The following RPRD2 variants were observed in gnomAD, a reference collection of about 807,000 sequenced individuals.
RPRD2 encodes the protein regulation of nuclear pre-mRNA domain-containing protein 2.
In RPRD2, 12 loss-of-function variants were observed where a neutral mutation model predicts 104.4. That is an observed-to-expected ratio of 0.11 (90% CI 0.07 to 0.19). RPRD2 has a LOEUF of 0.19. Among genes scored for constraint, RPRD2 ranks in the 10% least tolerant of loss-of-function variants. The pLI is 1.00. For missense variants in RPRD2, 1,543 were observed against 1,790.1 expected (o/e 0.86, Z 2.49); for synonymous variants, 714 against 684.9 (o/e 1.04, Z -0.66).
intron 1 of RPRD2, chr1:150,409,122 T>G (rs979590264): frequency 1.2e-4 from 18 of 152,246 alleles, no homozygotes; most frequent in African/African-American, 4.3e-4. Flanking sequence ...TTGTAGGTAC[T>G]TAGACTTAAA....
rs587760764 is a variant in RPRD2 at position 150,458,099 on chromosome 1, G to GC, written c.1153+530dup. Among the ~76,000 whole-genome samples, 161 of 152,116 alleles carry GC rather than the reference G, an allele frequency of 1.1e-3. 9 individuals are homozygous for GC. The South Asian group carries it at 0.033, about 31-fold the overall frequency. On this transcript the variant is annotated intron_variant, in intron 8 of 10. Transcript: ENST00000369068. ...GACGGTCGGGGGAAAGTAGCTACTAGCTACCTGTGGCTAAGCATTTGAAAT... is the reference window on the plus strand; with the variant it reads ...GACGGTCGGGGGAAAGTAGCTACTAGCCTACCTGTGGCTAAGCATTTGAAAT...
Position 150,444,238 on chromosome 1 carries a change from G to C in RPRD2, c.568-13G>C. The C allele has an allele frequency of 1.2e-6, 2 of 1,608,946 alleles. No homozygotes were observed. Among genetic ancestry groups the C allele is most frequent in the African/African-American group, 2.7e-5 (2 of 74,842 alleles). On this transcript the variant is annotated splice_polypyrimidine_tract_variant and intron_variant, in intron 5 of 10. Coordinates refer to ENST00000369068, the MANE Select transcript of RPRD2 (RefSeq NM_015203.5). ...GATCTTGTAAATGAAATATGACTCT[G>C]GTCTGTGTTTAGTCTCAGGCCCTAA...
In RPRD2 at chr1:150,471,689, G is replaced by T; in HGVS notation, c.2741G>T (p.Gly914Val). The T allele has an allele frequency of 6.2e-7, 1 of 1,613,784 alleles. No homozygotes were observed. Among genetic ancestry groups the T allele is most frequent in the Non-Finnish European group, 8.5e-7 (1 of 1,179,846 alleles). ...DRLSSSPGLFGAFSVRGNEPG... is the reference protein window; with the variant it reads ...DRLSSSPGLFVAFSVRGNEPG... ...CTCTCATCTTCCCCTGGGCTATTTG[G>T]TGCCTTCAGCGTAAGAGGGAATGAA... is the stretch of plus-strand genomic sequence containing the variant. The change falls in exon 11 of 11, where the codon GGT becomes GTT. Residue 914 changes from glycine (G) to valine (V), a missense_variant. By Grantham distance (109) the Gly-to-Val change is moderately radical. This residue lies in a region of RPRD2 where 880 missense variants were observed against 885.6 expected (regional missense o/e 0.99). Transcript: ENST00000369068. The surrounding 1 kb of genome is among the most constrained non-coding windows in gnomAD (Gnocchi z 5.3).
intron 7 of RPRD2, among the ~76,000 whole-genome samples, chr1:150,455,780 C>T (rs1667485431): frequency 6.6e-6 from 1 of 151,986 alleles, no homozygotes. Context: ...ACTATCTTTG[C>T]AATGATTTTC....
chr1:150,447,574 T>C (rs1553895797), intron 7 of RPRD2, among the ~76,000 whole-genome samples: 1 of 149,376 alleles, frequency 6.7e-6, no homozygotes, highest in Non-Finnish European at 1.5e-5. Context: ...CCTCAGGTGA[T>C]CCGCCCACCT....
chr1:150,379,848 A>G (rs1287619506), intron 1 of RPRD2, among the ~76,000 whole-genome samples: 3 of 152,220 alleles, frequency 2.0e-5, no homozygotes, highest in African/African-American at 7.2e-5. Flanking sequence ...GTTTAATTTC[A>G]TATAGTAAAT....
At chr1:150,443,878 C>T (rs1666576425) in intron 5 of RPRD2, among the ~76,000 whole-genome samples, 1 of 151,256 alleles carries the variant, frequency 6.6e-6, no homozygotes, top group Non-Finnish European at 1.5e-5. Context: ...ATTAGCTGGG[C>T]GTGGTGGCGG....
intron 1 of RPRD2, among the ~76,000 whole-genome samples, chr1:150,385,806 C>T (rs1553881712): frequency 2.0e-5 from 3 of 152,188 alleles, no homozygotes. Flanking sequence ...TCTTGGCCAA[C>T]TTGACTAAGA....
At chr1:150,400,975 G>A (rs1662948496) in intron 1 of RPRD2, among the ~76,000 whole-genome samples, 1 of 151,924 alleles carries the variant, frequency 6.6e-6, no homozygotes, top group Non-Finnish European at 1.5e-5. Flanking sequence ...AGGAGATCGA[G>A]ACCATCCTGG....
intron 1 of RPRD2, among the ~76,000 whole-genome samples, chr1:150,371,533 C>T (rs1553878340): frequency 6.6e-6 from 1 of 152,102 alleles, no homozygotes; most frequent in Non-Finnish European, 1.5e-5. Flanking sequence ...ACCAGGCTGG[C>T]TAATTTTTTG....
chr1:150,412,069 G>C (rs1663976474), intron 1 of RPRD2, among the ~76,000 whole-genome samples: 1 of 152,122 alleles, frequency 6.6e-6, no homozygotes, highest in African/African-American at 2.4e-5. Flanking sequence ...GTTGCAGTGA[G>C]CCGAAATCAC....
intron 1 of RPRD2, among the ~76,000 whole-genome samples, chr1:150,377,329 G>A (rs587627360): frequency 1.1e-4 from 16 of 150,710 alleles, no homozygotes; most frequent in Admixed American, 7.2e-4. Flanking sequence ...GGCCGGGCGC[G>A]GTGGCTCACG....
Position 150,384,450 on chromosome 1 carries a change from C to CATTATTATT in RPRD2, c.205+19566_205+19574dup, listed in dbSNP as rs60436957. On this transcript the variant is annotated intron_variant, in intron 1 of 10. Transcript: ENST00000369068. ...CAGAAGGAATAAAAGGCATCATCAT[C>CATTATTATT]ATTATTATTATTATTATTATTATTA... 3.0e-3 allele frequency among the ~76,000 whole-genome samples: 392 copies of CATTATTATT among 132,320 alleles called. 6 individuals are homozygous for CATTATTATT. The East Asian group carries it at 0.037, about 12-fold the overall frequency. The allele number at this position is 132,320 out of a possible 152,430, so 86.8% of individuals were successfully genotyped here.
rs1341575188 is a variant in RPRD2, at chr1:150,475,664, T to G, written c.*2330T>G. Reference sequence around the variant, plus strand: ...TGTATGAGACTGTCAGCTATTAATTTTAAGGAAATCTTAAAATTTACATTT... The same window carrying G: ...TGTATGAGACTGTCAGCTATTAATTGTAAGGAAATCTTAAAATTTACATTT... On this transcript the variant is annotated 3_prime_UTR_variant, in exon 11 of 11. Coordinates refer to ENST00000369068, the MANE Select transcript of RPRD2 (RefSeq NM_015203.5). The G allele has an allele frequency of 1.3e-5, 2 of 152,624 alleles. No individual in the cohort carries two copies. Among genetic ancestry groups the G allele is most frequent in the African/African-American group, 4.8e-5 (2 of 41,450 alleles). The allele number at this position is 152,624 out of a possible 1,614,324, so 9.5% of individuals were successfully genotyped here.
chr1:150,472,691 C>T lies in RPRD2; in HGVS notation c.3743C>T (p.Ala1248Val). The T allele has an allele frequency of 6.2e-7, 1 of 1,613,854 alleles. No homozygotes were observed. Among genetic ancestry groups the T allele is most frequent in the Non-Finnish European group, 8.5e-7 (1 of 1,179,736 alleles). The change falls in exon 11 of 11, where the codon GCA becomes GTA. Residue 1248 changes from alanine (A) to valine (V), a missense_variant. Coordinates refer to ENST00000369068, the MANE Select transcript of RPRD2 (RefSeq NM_015203.5). ...VDLSNPFTKE[A>V]ALAHAAPPPP... ...CTTTCGAACCCCTTCACAAAGGAGG[C>T]AGCCCTGGCCCATGCTGCCCCACCC...
intron 1 of RPRD2, among the ~76,000 whole-genome samples, chr1:150,381,554 G>A (rs1553880798): frequency 1.3e-5 from 2 of 150,836 alleles, no homozygotes; most frequent in Non-Finnish European, 2.9e-5. Flanking sequence ...GCCCAGGCTG[G>A]AGTGCAGTGG....
intron 1 of RPRD2, among the ~76,000 whole-genome samples, chr1:150,397,839 C>T (rs1662648317): frequency 1.3e-5 from 2 of 151,936 alleles, no homozygotes; most frequent in South Asian, 2.1e-4. Flanking sequence ...TTCTGCTTCC[C>T]GGATTCAAGC....
chr1:150,445,960 C>T (rs1057191294), intron 6 of RPRD2, among the ~76,000 whole-genome samples: 11 of 151,232 alleles, frequency 7.3e-5, no homozygotes, highest in East Asian at 1.9e-4. Flanking sequence ...CCCAGCCACT[C>T]GGGAGGCTGA....
intron 1 of RPRD2, among the ~76,000 whole-genome samples, chr1:150,402,717 AG>A (rs1460063371): frequency 1.3e-5 from 2 of 152,212 alleles, no homozygotes; most frequent in Admixed American, 1.3e-4. Context: ...CTGTAATCCC[AG>A]CACTTTGGGA....
Sources: allele counts gnomAD v4.1 joint callset (sites outside exome capture counted in the v4.1 genomes callset), GRCh38; gene constraint gnomAD v4.1.1; regional missense constraint gnomAD v4.1.1; non-coding constraint Gnocchi (gnomAD v3.1); transcripts MANE v1.5; gene names NCBI Gene and HGNC (gene_info 2026-07-23, HGNC 2026-07-21).